BCLAF3: variants seen among roughly 807,000 people sequenced by gnomAD.
The protein encoded by BCLAF3 is BCLAF1 and THRAP3 family member 3.
In BCLAF3, 24 loss-of-function variants were observed where a neutral mutation model predicts 51.2. The ratio of observed to expected loss-of-function variants is 0.47; its 90% confidence interval spans 0.34 to 0.66. BCLAF3 has a LOEUF of 0.66. Among genes scored for constraint, BCLAF3 ranks in the 30% least tolerant of loss-of-function variants. BCLAF3 has a pLI of 0.01. For missense variants in BCLAF3, 465 were observed against 525.1 expected (o/e 0.89, Z 1.12); for synonymous variants, 152 against 176.6 (o/e 0.86, Z 1.10).
At chrX:19,927,917 C>T (rs1471894386) in intron 11 of BCLAF3, among the ~76,000 whole-genome samples, 1 of 107,303 alleles carries the variant, frequency 9.3e-6, no homozygotes, top group Non-Finnish European at 1.9e-5. Flanking sequence ...ACTCTGTCAC[C>T]CAGGCTGGAG....
At position 19,916,394 on chromosome X, in the gene BCLAF3, T is replaced by TA. The variant is rs1300714515; in HGVS notation, c.*910dup. 8.9e-6 allele frequency: 1 copy of TA among 112,684 alleles called. No individual in the cohort carries two copies. The highest frequency in any genetic ancestry group is 1.9e-5 in the Non-Finnish European group (1 of 53,215). The allele number at this position is 112,684 out of a possible 1,213,427, so 9.3% of individuals were successfully genotyped here. On this transcript the variant is annotated 3_prime_UTR_variant, in exon 12 of 12. Coordinates refer to ENST00000379682, the MANE Select transcript of BCLAF3 (RefSeq NM_001367774.2). ...GGTATTGGGGCCTAAAAATTTCATTTAAAAATCCCATCCATTTGCTCTTAC... is the reference window on the plus strand; with the variant it reads ...GGTATTGGGGCCTAAAAATTTCATTTAAAAAATCCCATCCATTTGCTCTTAC...
intron 4 of BCLAF3, among the ~76,000 whole-genome samples, chrX:19,956,720 A>G (rs1330118271): frequency 9.0e-6 from 1 of 111,367 alleles, no homozygotes; most frequent in Non-Finnish European, 1.9e-5. Context: ...CTCAAAAATC[A>G]AGTTCACTGT....
intron 8 of BCLAF3, among the ~76,000 whole-genome samples, chrX:19,938,745 C>T (rs1390936920): frequency 8.9e-6 from 1 of 112,704 alleles, no homozygotes; most frequent in African/African-American, 3.2e-5. Context: ...ATCTCTCCTG[C>T]TTCTACACCT....
At chrX:19,973,471 T>C (rs1164982377) in intron 1 of BCLAF3, among the ~76,000 whole-genome samples, 2 of 111,640 alleles carry the variant, frequency 1.8e-5, no homozygotes, top group Non-Finnish European at 3.8e-5. Flanking sequence ...TAGATACATC[T>C]AGTTGCTTCC....
Position 19,929,896 on chromosome X carries a change from G to A in BCLAF3, c.1995C>T (p.Gly665=), listed in dbSNP as rs1463133792. The A allele has an allele frequency of 8.3e-7, 1 of 1,207,183 alleles. No individual in the cohort carries two copies. Among genetic ancestry groups the A allele is most frequent in the South Asian group, 1.8e-5 (1 of 56,182 alleles). ...GAATGTACAAGCTCTTCTGTACCAG[G>A]CCTGATTTATAATTGGGCTGGCATC... ...GGRCQPNYKS[G]LVQKSLYIQA... Residue 665 remains glycine (G), a synonymous_variant, in exon 11 of 12, where the codon GGC becomes GGT. Coordinates refer to ENST00000379682, the MANE Select transcript of BCLAF3 (RefSeq NM_001367774.2).
At chrX:19,959,052 C>T (rs1041291991) in intron 4 of BCLAF3, among the ~76,000 whole-genome samples, 2 of 112,550 alleles carry the variant, frequency 1.8e-5, no homozygotes, top group African/African-American at 6.5e-5. Flanking sequence ...GGCTGGCAGT[C>T]GCAGCATTCT....
Position 19,965,592 on chromosome X carries a change from A to G in BCLAF3, c.726T>C (p.His242=). 8.4e-7 allele frequency: 1 copy of G among 1,187,911 alleles called. No individual in the cohort carries two copies. Among genetic ancestry groups the G allele is most frequent in the Non-Finnish European group, 1.1e-6 (1 of 885,586 alleles). Residue 242 remains histidine, a synonymous_variant, in exon 4 of 12, where the codon CAT becomes CAC. Coordinates refer to ENST00000379682, the MANE Select transcript of BCLAF3 (RefSeq NM_001367774.2). ...TGTCCTCTTGGTAAGGTGGGAGGGA[A>G]TGCTCAGGCTTCCACTTTGGGTTCC... ...PARNPKWKPE[H]SLPPYQEDTD... is the part of the protein sequence containing the mutation.
intron 9 of BCLAF3, 26 bp downstream of exon 9, chrX:19,937,392 T>C (rs1045810024): frequency 2.4e-6 from 2 of 839,317 alleles, no homozygotes; most frequent in Non-Finnish European, 3.5e-6. Context: ...ATTATAAAAA[T>C]GCAAATTTTG....
At chrX:19,953,957 A>G in intron 5 of BCLAF3, 65 bp from the exon 6 acceptor site, 1 of 1,132,228 alleles carries the variant, frequency 8.8e-7, no homozygotes. Flanking sequence ...GATTACATAT[A>G]AGCACAGAAA....
intron 5 of BCLAF3, 182 bp from the exon 6 acceptor site, chrX:19,954,074 A>C (rs760023678): frequency 1.3e-6 from 1 of 752,604 alleles, no homozygotes; most frequent in Admixed American, 8.9e-5. Flanking sequence ...CCCAAGCCCA[A>C]ACAAGAGTAA....
intron 8 of BCLAF3, among the ~76,000 whole-genome samples, chrX:19,941,709 G>A (rs1241563534): frequency 2.5e-4 from 27 of 107,892 alleles, no homozygotes; most frequent in Non-Finnish European, 3.8e-5. Flanking sequence ...GTAGTGTGAT[G>A]CCTCCAGCTT....
At chrX:19,940,330 GGTTA>G (rs988975434) in intron 8 of BCLAF3, among the ~76,000 whole-genome samples, 10 of 108,062 alleles carry the variant, frequency 9.3e-5, no homozygotes, top group Non-Finnish European at 1.9e-4. Flanking sequence ...ACATTGTGCA[GGTTA>G]GTTACATATG....
chrX:19,969,137 T>A (rs937030826), intron 2 of BCLAF3, among the ~76,000 whole-genome samples: 1 of 111,669 alleles, frequency 9.0e-6, no homozygotes, highest in South Asian at 3.7e-4. Flanking sequence ...ATAAAAAAAA[T>A]AAAAATAAAT....
intron 1 of BCLAF3, among the ~76,000 whole-genome samples, chrX:19,972,397 T>G (rs1011738963): frequency 3.6e-5 from 4 of 111,782 alleles, no homozygotes; most frequent in African/African-American, 9.8e-5. Context: ...GTAATTTTTT[T>G]GGGGGCGGGT....
chrX:19,928,690 C>T (rs996782834), intron 11 of BCLAF3, among the ~76,000 whole-genome samples: 3 of 111,760 alleles, frequency 2.7e-5, no homozygotes, highest in Admixed American at 9.5e-5. Context: ...TCAGTATCAA[C>T]GGCTGAATGG....
In BCLAF3 at chrX:19,914,443, A is replaced by G. The variant is rs746999873; in HGVS notation, c.*2862T>C. On this transcript the variant is annotated 3_prime_UTR_variant, in exon 12 of 12. Coordinates refer to ENST00000379682, the MANE Select transcript of BCLAF3 (RefSeq NM_001367774.2). Reference sequence around the variant, plus strand: ...CTGAATTTGCTGGGTAATAAAGACAATAAGAGTTTCTCATCCAGCTTTACT... The same window carrying G: ...CTGAATTTGCTGGGTAATAAAGACAGTAAGAGTTTCTCATCCAGCTTTACT... 8.2e-5 allele frequency: 9 copies of G among 110,270 alleles called. No homozygotes were observed. The highest frequency in any genetic ancestry group is 1.6e-4 in the African/African-American group (5 of 30,438). The allele number at this position is 110,270 out of a possible 1,213,427, so 9.1% of individuals were successfully genotyped here.
intron 4 of BCLAF3, among the ~76,000 whole-genome samples, chrX:19,960,218 T>C (rs1353950392): frequency 8.9e-6 from 1 of 111,895 alleles, no homozygotes; most frequent in Non-Finnish European, 1.9e-5. Context: ...TTCTAATATA[T>C]ACTAAAGTTC....
chrX:19,979,041 G>T (rs2072524814), intron 1 of BCLAF3, among the ~76,000 whole-genome samples: 1 of 111,263 alleles, frequency 9.0e-6, no homozygotes, highest in African/African-American at 3.3e-5. Flanking sequence ...AGGTGAATCA[G>T]TTGAGGCCAG....
chrX:19,923,440 C>T, intron 11 of BCLAF3: 1 of 155,317 alleles, frequency 6.4e-6, no homozygotes, highest in Non-Finnish European at 1.3e-5. Context: ...GGGAGGACAG[C>T]AAGTCTGACA....
Sources: gnomAD v4.1 joint callset for allele counts (sites outside exome capture counted in the v4.1 genomes callset) on GRCh38, gnomAD v4.1.1 for gene constraint, MANE v1.5 for transcripts, NCBI Gene and HGNC (gene_info 2026-07-23, HGNC 2026-07-21) for gene names.